The following ADGRD1 variants were observed in gnomAD, a reference collection of about 807,000 sequenced individuals.
ADGRD1 encodes G-protein coupled receptor 133.
ADGRD1 carries 77 observed loss-of-function variants against 113.4 expected under a neutral mutation model. That is an observed-to-expected ratio of 0.68 (90% CI 0.57 to 0.82). The LOEUF (loss-of-function observed/expected upper bound fraction) is 0.82, where lower values mean the gene tolerates loss of function less well. Among genes scored for constraint, ADGRD1 ranks in the 40% least tolerant of loss-of-function variants. The pLI, the probability that ADGRD1 is intolerant of heterozygous loss-of-function variation, is 0.00. For synonymous variants in ADGRD1, 474 were observed against 475.0 expected (o/e 1.00, Z 0.03); for missense variants, 1,036 against 1,139.1 (o/e 0.91, Z 1.30).
At chr12:130,975,758 C>T (rs1009886966) in intron 4 of ADGRD1, among the ~76,000 whole-genome samples, 3 of 152,240 alleles carry the variant, frequency 2.0e-5, no homozygotes, top group East Asian at 1.9e-4. Flanking sequence ...ACACAGACAA[C>T]GGCAGAAAAA....
At chr12:130,980,503 T>C (rs1478146661) in intron 4 of ADGRD1, among the ~76,000 whole-genome samples, 3 of 151,912 alleles carry the variant, frequency 2.0e-5, no homozygotes, top group Non-Finnish European at 4.4e-5. Context: ...GTTCAAACAA[T>C]TCTCCTGCCT....
At chr12:131,042,024 G>A (rs961227763) in intron 13 of ADGRD1, among the ~76,000 whole-genome samples, 1 of 152,192 alleles carries the variant, frequency 6.6e-6, no homozygotes, top group African/African-American at 2.4e-5. Context: ...TGTGTCCTTG[G>A]ACATTTTATT....
At chr12:131,080,979 T>G (rs1232649419) in intron 14 of ADGRD1, among the ~76,000 whole-genome samples, 8 of 152,212 alleles carry the variant, frequency 5.3e-5, no homozygotes, top group African/African-American at 1.7e-4. Flanking sequence ...GCATGTATGT[T>G]TAGGATTGTT....
intron 6 of ADGRD1, chr12:130,989,996 C>T (rs1874178149): frequency 6.6e-6 from 1 of 152,270 alleles, no homozygotes; most frequent in African/African-American, 2.4e-5. Context: ...CTGGCAGATT[C>T]TCATTTTCAC....
intron 13 of ADGRD1, among the ~76,000 whole-genome samples, chr12:131,036,695 T>TGCACCGGGCCTCACTCACC (rs1444424375): frequency 8.0e-6 from 1 of 124,774 alleles, no homozygotes; most frequent in Non-Finnish European, 1.7e-5. Context: ...CCTCACTCAC[T>TGCACCGGGCCTCACTCACC]GCACCGGGCC....
At chr12:131,132,580 A>C (rs1593272403) in intron 21 of ADGRD1, among the ~76,000 whole-genome samples, 1 of 152,118 alleles carries the variant, frequency 6.6e-6, no homozygotes, top group South Asian at 2.1e-4. Context: ...GCCGAGGTCG[A>C]CTCTGCCCCC....
chr12:130,998,139 G>A (rs12811860), intron 8 of ADGRD1, among the ~76,000 whole-genome samples: 11,273 of 151,992 alleles, frequency 0.074, 561 homozygotes, highest in Middle Eastern at 0.11. Context: ...GTCCAGCTTC[G>A]GCTCGGCATC....
intron 2 of ADGRD1, chr12:130,962,299 G>A (rs1363574522): frequency 6.6e-6 from 1 of 152,242 alleles, no homozygotes; most frequent in Non-Finnish European, 1.5e-5. Context: ...TATGAACTCT[G>A]GCTGGCTTTG....
chr12:130,963,185 TGGCG>T (rs1323347295), intron 2 of ADGRD1, among the ~76,000 whole-genome samples: 1 of 151,662 alleles, frequency 6.6e-6, no homozygotes, highest in Non-Finnish European at 1.5e-5. Context: ...CCAGGCGTGG[TGGCG>T]GGCGCCTGTA....
In ADGRD1 at chr12:130,996,583, C is replaced by T. The variant is rs749516703; in HGVS notation, c.967-3800C>T. 7.9e-3 allele frequency among the ~76,000 whole-genome samples: 1,027 copies of T among 129,442 alleles called. 5 individuals are homozygous for T. Among genetic ancestry groups the T allele is most frequent in the Non-Finnish European group, 0.013 (757 of 59,606 alleles). 84.9% of individuals were successfully genotyped at this position (129,442 alleles called of 152,430 possible). A position where few individuals can be genotyped will look rare whatever the true frequency, so the allele number is the denominator to read the frequency against. ...GGGCGGCTGGCCGGGCAGAGGGGCT[C>T]CTCACTTCCCAGTAGGGGCGGCCGG... On this transcript the variant is annotated intron_variant, in intron 8 of 24. Coordinates refer to ENST00000261654, the MANE Select transcript of ADGRD1 (RefSeq NM_198827.5).
At position 131,108,736 on chromosome 12, in the gene ADGRD1, G is replaced by A; in HGVS notation, c.1900G>A (p.Val634Met). 6.2e-7 allele frequency: 1 copy of A among 1,614,174 alleles called. No homozygotes were observed. Among genetic ancestry groups the A allele is most frequent in the East Asian group, 2.2e-5 (1 of 44,878 alleles). ...RLEPGTTPCQ[V>M]MAVLLHYFFL... is the part of the protein sequence containing the mutation. ...GGTTAAATCCTAGACCCCCTGCCAA[G>A]TGATGGCCGTGCTCCTACACTACTT... is the stretch of plus-strand genomic sequence containing the variant. The change falls in exon 18 of 25, where the codon GTG (valine) becomes ATG (methionine). Residue 634 changes from valine to methionine, a missense_variant. By Grantham distance (21) the Val-to-Met change is conservative. Coordinates refer to ENST00000261654, the MANE Select transcript of ADGRD1 (RefSeq NM_198827.5).
rs571340446 is a variant in ADGRD1, at chr12:130,954,202, T to A, written c.-264T>A. On this transcript the variant is annotated 5_prime_UTR_variant, in exon 1 of 25. Coordinates refer to ENST00000261654, the MANE Select transcript of ADGRD1 (RefSeq NM_198827.5). The surrounding 1 kb of genome is among the most constrained non-coding windows in gnomAD (Gnocchi z 4.7). Reference sequence around the variant, plus strand: ...CCCAGGACTGCGAGTCGGGTTTGGGTTTCTCCTCCCTGCATTCCACAGCTG... The same window carrying A: ...CCCAGGACTGCGAGTCGGGTTTGGGATTCTCCTCCCTGCATTCCACAGCTG... The A allele has an allele frequency of 2.6e-6, 1 of 384,082 alleles. No homozygotes were observed. The highest frequency in any genetic ancestry group is 4.6e-6 in the Non-Finnish European group (1 of 218,256). The allele number at this position is 384,082 out of a possible 1,614,324, so 23.8% of individuals were successfully genotyped here.
intron 13 of ADGRD1, among the ~76,000 whole-genome samples, chr12:131,071,522 G>A (rs1039815074): frequency 9.2e-5 from 14 of 152,138 alleles, no homozygotes; most frequent in African/African-American, 3.4e-4. Flanking sequence ...TTAATTCTCT[G>A]GTTTGTCTCT....
rs1377846143 is a variant in ADGRD1, at chr12:130,984,652, C to T, written c.491-2443C>T. The stretch of plus-strand genomic sequence containing the variant: ...TGACACATCATTGTCACCCAAAGTC[C>T]ATAGTTCACATTAGCATTTGCTCTC... On this transcript the variant is annotated intron_variant, in intron 5 of 24. Transcript: ENST00000261654. The surrounding 1 kb of genome is among the most constrained non-coding windows in gnomAD (Gnocchi z 4.1). Among the ~76,000 whole-genome samples the T allele has an allele frequency of 6.6e-6, 1 of 152,008 alleles. No homozygotes were observed. The highest frequency in any genetic ancestry group is 1.5e-5 in the Non-Finnish European group (1 of 68,004).
chr12:131,060,857 A>G lies in ADGRD1; in HGVS notation c.1474-15944A>G, dbSNP rs904644423. On this transcript the variant is annotated intron_variant, in intron 13 of 24. Coordinates refer to ENST00000261654, the MANE Select transcript of ADGRD1 (RefSeq NM_198827.5). This position sits in a 1 kb window ranked among gnomAD's most constrained non-coding sequence, Gnocchi z 4.4. ...CTTCTTCTCCTTGACCCTTGGGCCA[A>G]GCTCATGGGCTGTGGTAATTCTGGC... 6.6e-6 allele frequency among the ~76,000 whole-genome samples: 1 copy of G among 152,074 alleles called. No homozygotes were observed. The highest frequency in any genetic ancestry group is 1.9e-4 in the East Asian group (1 of 5,172).
In ADGRD1 at chr12:131,131,814, C is replaced by T. The variant is rs534330751; in HGVS notation, c.2265C>T (p.Phe755=). Residue 755 remains phenylalanine (F), a splice_region_variant and synonymous_variant, in exon 21 of 25, where the codon TTC becomes TTT. Transcript: ENST00000261654. ...NYKIHGDPSA[F]KLTAKAVAVL... Reference sequence around the variant, plus strand: ...AGATCCATGGAGACCCCAGTGCCTTCAAGTAAGTTGACCTCAGGCTGCCAG... The same window carrying T: ...AGATCCATGGAGACCCCAGTGCCTTTAAGTAAGTTGACCTCAGGCTGCCAG... 4 of 1,604,870 alleles carry T rather than the reference C, an allele frequency of 2.5e-6. No homozygotes were observed. In the African/African-American group the frequency reaches 5.3e-5, roughly 21 times the overall value.
intron 6 of ADGRD1, chr12:130,989,991 A>C (rs1874177056): frequency 6.6e-6 from 1 of 152,284 alleles, no homozygotes; most frequent in Non-Finnish European, 1.5e-5. Context: ...AGGACCTGGC[A>C]GATTCTCATT....
chr12:131,127,068 A>C (rs1017598924), intron 20 of ADGRD1, among the ~76,000 whole-genome samples: 1 of 152,162 alleles, frequency 6.6e-6, no homozygotes, highest in Non-Finnish European at 1.5e-5. Context: ...TCATCCTGAT[A>C]AGATGGAAAA....
chr12:131,019,737 G>A (rs71448227), intron 13 of ADGRD1, among the ~76,000 whole-genome samples: 16,965 of 152,282 alleles, frequency 0.11, 1,025 homozygotes, highest in Middle Eastern at 0.15. Context: ...ACAAATTCTG[G>A]AAGGGACTGA....
Sources: allele counts gnomAD v4.1 joint callset (sites outside exome capture counted in the v4.1 genomes callset), GRCh38; gene constraint gnomAD v4.1.1; non-coding constraint Gnocchi (gnomAD v3.1); transcripts MANE v1.5; gene names NCBI Gene and HGNC (gene_info 2026-07-23, HGNC 2026-07-21).